PCMTD2: variants seen among roughly 807,000 people sequenced by gnomAD.
The protein encoded by PCMTD2 is protein-L-isoaspartate (D-aspartate) O-methyltransferase domain containing 2, also known as protein-L-isoaspartate O-methyltransferase domain-containing protein 2.
A neutral mutation model predicts 33.4 loss-of-function variants in PCMTD2; 16 were observed. The observed-to-expected ratio is 0.48, with a 90% CI of 0.32 to 0.73. The LOEUF (loss-of-function observed/expected upper bound fraction) is 0.73. Ranked by LOEUF, PCMTD2 falls within the 30% of genes least tolerant of loss-of-function variation. The pLI is 0.03. For synonymous variants in PCMTD2, 161 were observed against 160.8 expected (o/e 1.00, Z -0.01); for missense variants, 374 against 449.9 (o/e 0.83, Z 1.53).
rs1461117741 is a variant in PCMTD2 at position 64,275,695 on chromosome 20, A to C, written c.*2095A>C. The C allele has an allele frequency of 6.6e-6, 1 of 152,224 alleles. No individual in the cohort carries two copies. Among genetic ancestry groups the C allele is most frequent in the Non-Finnish European group, 1.5e-5 (1 of 68,030 alleles). The allele number at this position is 152,224 out of a possible 1,614,324, so 9.4% of individuals were successfully genotyped here. Reference sequence around the variant, plus strand: ...ATACCAGAATTCAGTATAATACACTACTTTCTGTTTTCAAACAGATAAATC... The same window carrying C: ...ATACCAGAATTCAGTATAATACACTCCTTTCTGTTTTCAAACAGATAAATC... On this transcript the variant is annotated 3_prime_UTR_variant, in exon 6 of 6. Coordinates refer to ENST00000308824, the MANE Select transcript of PCMTD2 (RefSeq NM_018257.3).
intron 2 of PCMTD2, among the ~76,000 whole-genome samples, chr20:64,263,189 G>C (rs1568733656): frequency 6.6e-6 from 1 of 152,334 alleles, no homozygotes; most frequent in African/African-American, 2.4e-5. Context: ...ATTGAAGTCG[G>C]AGTTGTCAGA....
intron 1 of PCMTD2, chr20:64,259,683 C>T (rs924317279): frequency 1.4e-5 from 6 of 437,442 alleles, no homozygotes; most frequent in East Asian, 4.3e-5. Flanking sequence ...ACCCACCGCA[C>T]CCGGCCTAAA....
At chr20:64,265,225 CT>C in intron 3 of PCMTD2, 32 bp from the exon 4 acceptor site, 3 of 1,547,252 alleles carry the variant, frequency 1.9e-6, no homozygotes, top group South Asian at 1.2e-5. Context: ...CAATGTGATA[CT>C]TTTAGTTGCA....
intron 4 of PCMTD2, chr20:64,265,652 C>G (rs1232663961): frequency 7.5e-6 from 3 of 402,300 alleles, no homozygotes; most frequent in Non-Finnish European, 1.3e-5. Flanking sequence ...CGCTTTTCTC[C>G]ACCTTCCTTC....
At chr20:64,271,892 A>G (rs935371818) in intron 5 of PCMTD2, 1 of 206,090 alleles carries the variant, frequency 4.9e-6, no homozygotes, top group African/African-American at 2.3e-5. Flanking sequence ...TCTTGGGGCA[A>G]CAGCCAGATC....
intron 1 of PCMTD2, among the ~76,000 whole-genome samples, chr20:64,257,878 C>T (rs544648582): frequency 1.1e-4 from 16 of 152,326 alleles, no homozygotes; most frequent in Admixed American, 2.6e-4. Context: ...ACAAATTAAC[C>T]GGCCAGCTCC....
At chr20:64,273,195 C>T (rs1164689453) in intron 5 of PCMTD2, 26 bp from the exon 6 acceptor site, 2 of 1,595,512 alleles carry the variant, frequency 1.3e-6, no homozygotes, top group Admixed American at 1.7e-5. Flanking sequence ...ATGCATTTGA[C>T]TGTGTCTCAC....
chr20:64,262,302 A>C (rs1985456080), intron 2 of PCMTD2, among the ~76,000 whole-genome samples: 1 of 152,100 alleles, frequency 6.6e-6, no homozygotes, highest in Non-Finnish European at 1.5e-5. Context: ...TGTACTTGAC[A>C]TCCCCTAGAA....
chr20:64,273,609 T>C lies in PCMTD2; in HGVS notation c.*9T>C. The C allele has an allele frequency of 6.6e-7, 1 of 1,513,514 alleles. No individual in the cohort carries two copies. Among genetic ancestry groups the C allele is most frequent in the Non-Finnish European group, 8.8e-7 (1 of 1,134,116 alleles). The allele number at this position is 1,513,514 out of a possible 1,614,324, so 93.8% of individuals were successfully genotyped here. A position where few individuals can be genotyped will look rare whatever the true frequency, so the allele number is the denominator to read the frequency against. On this transcript the variant is annotated 3_prime_UTR_variant, in exon 6 of 6. Coordinates refer to ENST00000308824, the MANE Select transcript of PCMTD2 (RefSeq NM_018257.3). The stretch of plus-strand genomic sequence containing the variant: ...ATTACAGAGAAAAATAAGTCTCCTG[T>C]TTGAAAGGGGGAAATAGGAAGAGCA...
At chr20:64,272,593 C>T (rs1022224537) in intron 5 of PCMTD2, among the ~76,000 whole-genome samples, 2 of 152,174 alleles carry the variant, frequency 1.3e-5, no homozygotes, top group Admixed American at 6.5e-5. Context: ...CTGAGGTGGG[C>T]GGATCACTTG....
intron 5 of PCMTD2, among the ~76,000 whole-genome samples, chr20:64,269,971 G>C: frequency 6.6e-6 from 1 of 151,018 alleles, no homozygotes; most frequent in East Asian, 2.0e-4. Context: ...TGCACGGTGT[G>C]GGGTCCTGTG....
chr20:64,261,345 T>C (rs1413091819), intron 2 of PCMTD2, among the ~76,000 whole-genome samples: 1 of 151,696 alleles, frequency 6.6e-6, no homozygotes, highest in Admixed American at 6.6e-5. Flanking sequence ...GAAGCTGGAG[T>C]CTGTATTTTT....
In PCMTD2 at chr20:64,273,216, T is replaced by C; in HGVS notation, c.707-5T>C. On this transcript the variant is annotated splice_polypyrimidine_tract_variant and splice_region_variant and intron_variant, in intron 5 of 5. Coordinates refer to ENST00000308824, the MANE Select transcript of PCMTD2 (RefSeq NM_018257.3). The stretch of plus-strand genomic sequence containing the variant: ...TTGACTGTGTCTCACTCTTCTGTGC[T>C]GCAGCACCAGTGGCAGTTCGCAGCC... 6.2e-7 allele frequency: 1 copy of C among 1,611,574 alleles called. No homozygotes were observed. The highest frequency in any genetic ancestry group is 2.2e-5 in the East Asian group (1 of 44,886).
Position 64,265,312 on chromosome 20 carries a change from G to A in PCMTD2, c.465G>A (p.Pro155=), listed in dbSNP as rs17878941. 234,045 of 1,609,668 alleles carry A rather than the reference G, an allele frequency of 0.15. 17,880 individuals are homozygous for A. Among genetic ancestry groups the A allele is most frequent in the Non-Finnish European group, 0.16 (189,019 of 1,178,068 alleles). The part of the protein sequence containing the change: ...FVTGNCLEIS[P]DCSQYDRVYC... The stretch of plus-strand genomic sequence containing the variant: ...CTGGGAATTGCCTGGAGATTTCTCC[G>A]GATTGTTCTCAGTATGATCGTGTAT... Residue 155 remains proline (P), a synonymous_variant, in exon 4 of 6, where the codon CCG becomes CCA. Transcript: ENST00000308824.
chr20:64,261,991 G>A (rs559533963), intron 2 of PCMTD2, among the ~76,000 whole-genome samples: 7 of 152,254 alleles, frequency 4.6e-5, no homozygotes, highest in African/African-American at 1.7e-4. Flanking sequence ...GGTGGCTCAC[G>A]CCTGTAATCT....
intron 5 of PCMTD2, among the ~76,000 whole-genome samples, chr20:64,269,267 G>T (rs530111423): frequency 1.7e-4 from 26 of 152,348 alleles, no homozygotes; most frequent in Middle Eastern, 6.8e-3. Flanking sequence ...TGCCGCCCTT[G>T]GCGGGGAGGG....
chr20:64,267,564 C>CT (rs960795957), intron 4 of PCMTD2, among the ~76,000 whole-genome samples: 1 of 152,124 alleles, frequency 6.6e-6, no homozygotes, highest in African/African-American at 2.4e-5. Context: ...TTGGAGAGTG[C>CT]TAGAGCATTG....
At chr20:64,271,916 A>G (rs1160327093) in intron 5 of PCMTD2, 3 of 215,428 alleles carry the variant, frequency 1.4e-5, no homozygotes, top group African/African-American at 2.3e-5. Flanking sequence ...GTGGCTCTGG[A>G]AGTAATCTGT....
chr20:64,260,131 T>C lies in PCMTD2; in HGVS notation c.166T>C (p.Trp56Arg). The C allele has an allele frequency of 6.2e-7, 1 of 1,613,914 alleles. No individual in the cohort carries two copies. ...FKENAYKDLA[W>R]KHGNIHLSAP... ...AGAAAATGCTTATAAAGACTTGGCA[T>C]GGAAGCATGGAAACATTCACCTCTC... is the stretch of plus-strand genomic sequence containing the variant. The change falls in exon 2 of 6, where the codon TGG becomes CGG. Residue 56 changes from tryptophan (W) to arginine (R), a missense_variant. Trp to Arg is a moderately radical substitution (Grantham distance 101, BLOSUM62 -3). Transcript: ENST00000308824.
Sources: gnomAD v4.1 joint callset for allele counts (sites outside exome capture counted in the v4.1 genomes callset) on GRCh38, gnomAD v4.1.1 for gene constraint, MANE v1.5 for transcripts, NCBI Gene and HGNC (gene_info 2026-07-23, HGNC 2026-07-21) for gene names.